Variants in BAHCC1 observed in about 807,000 individuals in gnomAD.
BAHCC1 encodes the protein BAH domain and coiled-coil containing 1, also known as BAH and coiled-coil domain-containing protein 1.
A neutral mutation model predicts 88.2 loss-of-function variants in BAHCC1; 43 were observed. The observed-to-expected ratio is 0.49, with a 90% CI of 0.38 to 0.63. The LOEUF is 0.63. Among genes scored for constraint, BAHCC1 ranks in the 20% least tolerant of loss-of-function variants. BAHCC1 has a pLI of 0.00. For missense variants in BAHCC1, 3,023 were observed against 1,654.8 expected (o/e 1.83, Z -14.34); for synonymous variants, 1,510 against 745.5 (o/e 2.03, Z -16.71).
intron 2 of BAHCC1, among the ~76,000 whole-genome samples, chr17:81,412,603 A>T (rs2063968129): frequency 6.6e-6 from 1 of 152,152 alleles, no homozygotes; most frequent in Non-Finnish European, 1.5e-5. Context: ...TGACTCGTGC[A>T]CGAGGCAGGT....
intron 14 of BAHCC1, 37 bp from the exon 15 acceptor site, chr17:81,455,230 C>G (rs1555656935): frequency 1.4e-6 from 1 of 707,058 alleles, no homozygotes; most frequent in South Asian, 1.5e-5. Flanking sequence ...GCGGCCGGGC[C>G]TGCATCTGCC....
chr17:81,465,529 G>A lies in BAHCC1; in HGVS notation c.*1712G>A, dbSNP rs1469381867. On this transcript the variant is annotated 3_prime_UTR_variant, in exon 28 of 28. Transcript: ENST00000675386. Reference sequence around the variant, plus strand: ...ACTCCTTATATCCTCCCACACTAAGGTTCCCCTGGCCCCACGGGAGCTTCA... The same window carrying A: ...ACTCCTTATATCCTCCCACACTAAGATTCCCCTGGCCCCACGGGAGCTTCA... The A allele has an allele frequency of 6.6e-6, 1 of 152,304 alleles. No individual in the cohort carries two copies. The highest frequency in any genetic ancestry group is 2.4e-5 in the African/African-American group (1 of 41,444). The allele number at this position is 152,304 out of a possible 1,614,324, so 9.4% of individuals were successfully genotyped here.
At chr17:81,421,648 G>C (rs2064116818) in intron 2 of BAHCC1, among the ~76,000 whole-genome samples, 1 of 152,234 alleles carries the variant, frequency 6.6e-6, no homozygotes, top group African/African-American at 2.4e-5. Flanking sequence ...GCATCTGAGA[G>C]CCCCCAGCCG....
chr17:81,439,400 G>A (rs2143492374), intron 4 of BAHCC1, among the ~76,000 whole-genome samples: 1 of 152,126 alleles, frequency 6.6e-6, no homozygotes, highest in African/African-American at 2.4e-5. Flanking sequence ...AGGGATAGAG[G>A]GGTCTAGGTG....
In BAHCC1 at chr17:81,411,442, A is replaced by G. The variant is rs555731436; in HGVS notation, c.178+11525A>G. The G allele has an allele frequency of 3.0e-3, 1,075 of 361,406 alleles. 3 individuals are homozygous for G. The highest frequency in any genetic ancestry group is 5.4e-3 in the Non-Finnish European group (977 of 181,378). The allele number at this position is 361,406 out of a possible 1,614,324, so 22.4% of individuals were successfully genotyped here. On this transcript the variant is annotated intron_variant, in intron 2 of 27. Transcript: ENST00000675386. This position sits in a 1 kb window ranked among gnomAD's most constrained non-coding sequence, Gnocchi z 6.2. ...TCAGGGAGGGTGGGGTTGGGGGGGA[A>G]CAGGGTCCTTGAGGTCGTCAGCCAG...
intron 26 of BAHCC1, 103 bp from the exon 27 acceptor site, chr17:81,462,637 G>C (rs2030402279): frequency 3.1e-6 from 2 of 651,140 alleles, no homozygotes; most frequent in South Asian, 3.5e-5. Flanking sequence ...CTCACACTCA[G>C]ACTCACACTC....
At chr17:81,455,490 A>G (rs1555657077) in intron 15 of BAHCC1, 100 bp downstream of exon 15, 2 of 644,604 alleles carry the variant, frequency 3.1e-6, no homozygotes, top group African/African-American at 1.8e-5. Context: ...GCCGAAACCC[A>G]TTGCTCAGAT....
rs782097157 is a variant in BAHCC1, at chr17:81,460,331, A to G, written c.5960A>G (p.Asp1987Gly). Residue 1987 changes from aspartate to glycine, a missense_variant, in exon 24 of 28, where the codon GAT (aspartate) becomes GGT (glycine). Asp to Gly is a moderately conservative substitution (Grantham distance 94). Coordinates refer to ENST00000675386, the MANE Select transcript of BAHCC1 (RefSeq NM_001377448.1). ...DLDSVVVEFDDGDTGHIAVSN... is the reference protein window; with the variant it reads ...DLDSVVVEFDGGDTGHIAVSN... ...GACTCAGTAGTGGTGGAATTTGACG[A>G]TGGGGATACAGGCCACATCGCCGTC... 1.5e-5 allele frequency: 12 copies of G among 776,754 alleles called. No homozygotes were observed. Among genetic ancestry groups the G allele is most frequent in the Non-Finnish European group, 9.6e-6 (4 of 416,554 alleles). The allele number at this position is 776,754 out of a possible 1,614,324, so 48.1% of individuals were successfully genotyped here. A position where few individuals can be genotyped will look rare whatever the true frequency, so the allele number is the denominator to read the frequency against.
Position 81,444,023 on chromosome 17 carries a change from G to T in BAHCC1, c.2324+106G>T, listed in dbSNP as rs1886751188. 9.0e-6 allele frequency: 6 copies of T among 663,156 alleles called. No individual in the cohort carries two copies. In the Admixed American group the frequency reaches 1.3e-4, roughly 14 times the overall value. 41.1% of individuals were successfully genotyped at this position (663,156 alleles called of 1,614,324 possible). A position where few individuals can be genotyped will look rare whatever the true frequency, so the allele number is the denominator to read the frequency against. The stretch of plus-strand genomic sequence containing the variant: ...AGGGGTGGTCATGGCTGGGGCAGCA[G>T]ATTCTATGGCCGGCCGTGGGTGGGG... On this transcript the variant is annotated intron_variant, in intron 6 of 27. Coordinates refer to ENST00000675386, the MANE Select transcript of BAHCC1 (RefSeq NM_001377448.1).
At chr17:81,447,986 TC>T in intron 11 of BAHCC1, 138 bp downstream of exon 11, 1 of 629,622 alleles carries the variant, frequency 1.6e-6, no homozygotes, top group Non-Finnish European at 2.9e-6. Flanking sequence ...CTGGAGAGTG[TC>T]CGCCTCCCCT....
At position 81,442,383 on chromosome 17, in the gene BAHCC1, A is replaced by AT; in HGVS notation, c.1034_1035insT (p.His346ProfsTer29). The AT allele has an allele frequency of 1.4e-6, 1 of 703,430 alleles. No homozygotes were observed. The highest frequency in any genetic ancestry group is 2.6e-6 in the Non-Finnish European group (1 of 381,262). The allele number at this position is 703,430 out of a possible 1,614,324, so 43.6% of individuals were successfully genotyped here. On this transcript the variant is annotated frameshift_variant, in exon 5 of 28. Coordinates refer to ENST00000675386, the MANE Select transcript of BAHCC1 (RefSeq NM_001377448.1). LOFTEE classifies it high-confidence loss of function. ...TGCCTGGAGCGGCGGCAGATGCTAC[A>AT]CCACACCGCATCCTACGCCGGGCCA...
At chr17:81,422,764 C>T (rs1221109269) in intron 2 of BAHCC1, 2 of 440,748 alleles carry the variant, frequency 4.5e-6, no homozygotes, top group South Asian at 1.6e-5. Flanking sequence ...CTTCTCCAGA[C>T]CCAACTTTTG....
intron 3 of BAHCC1, among the ~76,000 whole-genome samples, chr17:81,427,303 G>A (rs2064211868): frequency 1.3e-5 from 2 of 152,292 alleles, no homozygotes; most frequent in South Asian, 2.1e-4. Flanking sequence ...GCCGGGCTGG[G>A]CTCACCCTCA....
intron 2 of BAHCC1, among the ~76,000 whole-genome samples, chr17:81,414,255 G>A (rs1319566096): frequency 4.6e-5 from 7 of 152,246 alleles, no homozygotes; most frequent in South Asian, 2.1e-4. Context: ...CTCCTTCAGC[G>A]AGGGCCAATG....
At chr17:81,454,490 A>G (rs1433309975) in intron 14 of BAHCC1, among the ~76,000 whole-genome samples, 1 of 152,140 alleles carries the variant, frequency 6.6e-6, no homozygotes, top group African/African-American at 2.4e-5. Context: ...GAGCCCGGCA[A>G]CGGGGTCCCT....
Position 81,399,968 on chromosome 17 carries a change from C to A in BAHCC1, c.178+51C>A. 1 of 1,267,424 alleles carries A rather than the reference C, an allele frequency of 7.9e-7. No individual in the cohort carries two copies. Among genetic ancestry groups the A allele is most frequent in the South Asian group, 2.2e-5 (1 of 45,258 alleles). 78.5% of individuals were successfully genotyped at this position (1,267,424 alleles called of 1,614,324 possible). A position where few individuals can be genotyped will look rare whatever the true frequency, so the allele number is the denominator to read the frequency against. Reference sequence around the variant, plus strand: ...GGGACGGGAGCGTTCGAGAGCGGAACAGGGCGCCCACCCCTCCGCTCCCGG... The same window carrying A: ...GGGACGGGAGCGTTCGAGAGCGGAAAAGGGCGCCCACCCCTCCGCTCCCGG... On this transcript the variant is annotated intron_variant, in intron 2 of 27. Coordinates refer to ENST00000675386, the MANE Select transcript of BAHCC1 (RefSeq NM_001377448.1). This position sits in a 1 kb window ranked among gnomAD's most constrained non-coding sequence, Gnocchi z 4.5.
chr17:81,403,819 T>C (rs112766279), intron 2 of BAHCC1, among the ~76,000 whole-genome samples: 5 of 152,328 alleles, frequency 3.3e-5, no homozygotes, highest in African/African-American at 1.2e-4. Context: ...TCCGGGAATG[T>C]GGGGCCGCGT....
In BAHCC1 at chr17:81,399,710, A is replaced by AGCG; in HGVS notation, c.-22_-20dup. ...GGCCCCGGCCGCGCTGCTCCGAGGAAGCGGCGGCGGACCGGGGCCGGGGCC... is the reference window on the plus strand; with the variant it reads ...GGCCCCGGCCGCGCTGCTCCGAGGAAGCGGCGGCGGCGGACCGGGGCCGGGGCC... On this transcript the variant is annotated 5_prime_UTR_variant, in exon 2 of 28. Coordinates refer to ENST00000675386, the MANE Select transcript of BAHCC1 (RefSeq NM_001377448.1). The surrounding 1 kb of genome is among the most constrained non-coding windows in gnomAD (Gnocchi z 4.5). The AGCG allele has an allele frequency of 9.8e-7, 1 of 1,017,814 alleles. No homozygotes were observed. Among genetic ancestry groups the AGCG allele is most frequent in the Non-Finnish European group, 1.2e-6 (1 of 853,546 alleles). 63.0% of individuals were successfully genotyped at this position (1,017,814 alleles called of 1,614,324 possible). A position where few individuals can be genotyped will look rare whatever the true frequency, so the allele number is the denominator to read the frequency against.
intron 14 of BAHCC1, among the ~76,000 whole-genome samples, chr17:81,454,394 C>T (rs1348659447): frequency 3.9e-5 from 6 of 152,180 alleles, no homozygotes; most frequent in Non-Finnish European, 7.4e-5. Flanking sequence ...CCGCAGTGTC[C>T]AGGGCTCCAT....
Sources: gnomAD v4.1 joint callset for allele counts (sites outside exome capture counted in the v4.1 genomes callset) on GRCh38, gnomAD v4.1.1 for gene constraint, Gnocchi (gnomAD v3.1) non-coding constraint, MANE v1.5 for transcripts, NCBI Gene and HGNC (gene_info 2026-07-23, HGNC 2026-07-21) for gene names.